The following TMED3 variants were observed in gnomAD, a reference collection of about 807,000 sequenced individuals.
TMED3 encodes transmembrane p24 trafficking protein 3.
Under a neutral mutation model 15.0 loss-of-function variants are expected in TMED3, and 9 were observed. The ratio of observed to expected loss-of-function variants is 0.60; its 90% CI spans 0.36 to 1.04. TMED3 has a LOEUF of 1.04. Among genes scored for constraint, TMED3 ranks in the 50% least tolerant of loss-of-function variants. TMED3 has a pLI of 0.01. For synonymous variants in TMED3, 117 were observed against 121.4 expected, an observed-to-expected ratio of 0.96 and a Z score of 0.24; for missense variants, 267 against 278.9, an observed-to-expected ratio of 0.96 and a Z score of 0.30.
chr15:79,410,586 C>G (rs1270502737), intron 2 of TMED3, among the ~76,000 whole-genome samples: 2 of 152,034 alleles, frequency 1.3e-5, no homozygotes, highest in Non-Finnish European at 2.9e-5. Context: ...GAAATGACTG[C>G]TATTGGGGAC....
intron 2 of TMED3, among the ~76,000 whole-genome samples, chr15:79,344,401 C>T (rs943679623): frequency 6.6e-6 from 1 of 152,190 alleles, no homozygotes; most frequent in South Asian, 2.1e-4. Context: ...AGGGTTGGCT[C>T]CTTCCAGATG....
At chr15:79,312,033 G>T (rs1172648370) in intron 1 of TMED3, among the ~76,000 whole-genome samples, 1 of 152,196 alleles carries the variant, frequency 6.6e-6, no homozygotes, top group Admixed American at 6.5e-5. Flanking sequence ...CTGTATTCCT[G>T]TCTCCTTTGA....
intron 2 of TMED3, among the ~76,000 whole-genome samples, chr15:79,370,730 T>C (rs1893323459): frequency 6.6e-6 from 1 of 152,216 alleles, no homozygotes; most frequent in Non-Finnish European, 1.5e-5. Flanking sequence ...GATATACTGC[T>C]GGAACCTGTG....
At chr15:79,376,933 G>C (rs1354586202) in intron 2 of TMED3, among the ~76,000 whole-genome samples, 2 of 152,060 alleles carry the variant, frequency 1.3e-5, no homozygotes, top group Non-Finnish European at 2.9e-5. Flanking sequence ...GTGCTCAGTG[G>C]CTCCTTCAGT....
intron 2 of TMED3, chr15:79,384,296 G>C (rs1247469769): frequency 6.6e-6 from 1 of 152,258 alleles, no homozygotes; most frequent in Admixed American, 6.5e-5. Context: ...TATTCGTATA[G>C]TTTTCTTGGA....
At chr15:79,387,621 TACAC>T (rs1192149329) in intron 2 of TMED3, among the ~76,000 whole-genome samples, 1 of 144,226 alleles carries the variant, frequency 6.9e-6, no homozygotes, top group Non-Finnish European at 1.5e-5. Context: ...CACACACACA[TACAC>T]ACACACAAGT....
At chr15:79,345,917 T>G (rs2058869501) in intron 2 of TMED3, among the ~76,000 whole-genome samples, 1 of 152,254 alleles carries the variant, frequency 6.6e-6, no homozygotes, top group South Asian at 2.1e-4. Flanking sequence ...TTGAGCTCTT[T>G]TTTATAAGAT....
intron 2 of TMED3, among the ~76,000 whole-genome samples, chr15:79,370,256 ATTTTTTTT>A (rs398028085): frequency 5.4e-4 from 57 of 104,942 alleles, no homozygotes; most frequent in South Asian, 2.1e-3. Context: ...TGCCCAGCTA[ATTTTTTTT>A]TTTTTTTTTT....
chr15:79,371,530 A>C (rs1893338978), intron 2 of TMED3, among the ~76,000 whole-genome samples: 1 of 152,234 alleles, frequency 6.6e-6, no homozygotes, highest in African/African-American at 2.4e-5. Context: ...AAATTTCTCA[A>C]ATCTGACTCT....
intron 2 of TMED3, among the ~76,000 whole-genome samples, chr15:79,367,845 T>C (rs538410615): frequency 6.6e-6 from 1 of 152,250 alleles, no homozygotes. Flanking sequence ...CAAAGGTAGA[T>C]TCAAAGATTT....
intron 2 of TMED3, among the ~76,000 whole-genome samples, chr15:79,354,277 C>T (rs1261956017): frequency 6.6e-6 from 1 of 151,910 alleles, no homozygotes; most frequent in East Asian, 1.9e-4. Flanking sequence ...GTATGGAGGG[C>T]AGAGGAGGAG....
chr15:79,324,830 G>A (rs184378654), downstream of TMED3, among the ~76,000 whole-genome samples: 1 of 152,276 alleles, frequency 6.6e-6, no homozygotes, highest in Non-Finnish European at 1.5e-5. Context: ...CTGGGTTGGG[G>A]CTGACCTTTC....
intron 2 of TMED3, among the ~76,000 whole-genome samples, chr15:79,355,976 A>G (rs2058917244): frequency 6.6e-6 from 1 of 152,222 alleles, no homozygotes; most frequent in Non-Finnish European, 1.5e-5. Flanking sequence ...AAACATCATT[A>G]TTATAAACTA....
At chr15:79,333,772 T>G (rs938560561) in intron 2 of TMED3, among the ~76,000 whole-genome samples, 1 of 152,168 alleles carries the variant, frequency 6.6e-6, no homozygotes, top group Admixed American at 6.5e-5. Context: ...CACCCTTTGT[T>G]TAAAGCTACT....
At chr15:79,403,220 CAAAAAAAAAAAAAAAA>C (rs71150908) in intron 2 of TMED3, among the ~76,000 whole-genome samples, 6 of 65,418 alleles carry the variant, frequency 9.2e-5, no homozygotes, top group Non-Finnish European at 7.5e-5. Context: ...GACTCTGTCT[CAAAAAAAAAAAAAAAA>C]AAAAAAAAAA....
intron 2 of TMED3, chr15:79,383,291 T>C (rs1893568682): frequency 4.2e-6 from 2 of 474,752 alleles, no homozygotes; most frequent in Non-Finnish European, 7.6e-6. Context: ...CTGTTGAAGA[T>C]TATATCTATT....
At chr15:79,320,335 T>A (rs2058760850) in intron 2 of TMED3, among the ~76,000 whole-genome samples, 1 of 152,132 alleles carries the variant, frequency 6.6e-6, no homozygotes, top group Non-Finnish European at 1.5e-5. Context: ...AATATTGGAA[T>A]AAAGAGTAAT....
chr15:79,332,377 C>T (rs552012684), intron 2 of TMED3, among the ~76,000 whole-genome samples: 1 of 152,360 alleles, frequency 6.6e-6, no homozygotes, highest in South Asian at 2.1e-4. Flanking sequence ...GCCTCGCTCA[C>T]ACAGGCCATC....
At chr15:79,352,386 T>C (rs1366604172) in intron 2 of TMED3, among the ~76,000 whole-genome samples, 2 of 152,086 alleles carry the variant, frequency 1.3e-5, no homozygotes, top group Non-Finnish European at 2.9e-5. Context: ...CATGAGTCCA[T>C]GGCCATTTTT....
Sources: gnomAD v4.1 joint callset for allele counts (sites outside exome capture counted in the v4.1 genomes callset) on GRCh38, gnomAD v4.1.1 for gene constraint, MANE v1.5 for transcripts, NCBI Gene and HGNC (gene_info 2026-07-23, HGNC 2026-07-21) for gene names.